The following FNTB variants were observed in gnomAD, a reference collection of about 807,000 sequenced individuals.
FNTB encodes farnesyltransferase, CAAX box, subunit beta, also known as protein farnesyltransferase subunit beta.
Under a neutral mutation model 59.4 loss-of-function variants are expected in FNTB, and 27 were observed. The observed-to-expected ratio is 0.45, with a 90% CI of 0.34 to 0.63. The LOEUF (loss-of-function observed/expected upper bound fraction) is 0.63, where lower values mean the gene tolerates loss of function less well. FNTB is among the 20% of genes least tolerant of loss of function. FNTB has a pLI of 0.02. For synonymous variants in FNTB, 230 were observed against 220.7 expected, an observed-to-expected ratio of 1.04 and a Z score of -0.37; for missense variants, 449 against 559.6, an observed-to-expected ratio of 0.80 and a Z score of 1.99.
chr14:64,994,295 A>G lies in FNTB; in HGVS notation c.144+7198A>G, dbSNP rs1250491857. On this transcript the variant is annotated intron_variant, in intron 1 of 11. Coordinates refer to ENST00000246166, the MANE Select transcript of FNTB (RefSeq NM_002028.4). The surrounding 1 kb of genome is among the most constrained non-coding windows in gnomAD (Gnocchi z 4.2). The stretch of plus-strand genomic sequence containing the variant: ...AAGTGTTGGGGACCCTAGTACAGTT[A>G]CTTGATCCCTGGCCCCTAGAGTCTA... Among the ~76,000 whole-genome samples, 3 of 152,202 alleles carry G rather than the reference A, an allele frequency of 2.0e-5. No homozygotes were observed. The highest frequency in any genetic ancestry group is 4.4e-5 in the Non-Finnish European group (3 of 68,042).
Position 65,015,688 on chromosome 14 carries a change from G to T in FNTB, c.346G>T (p.Glu116Ter). ...CCTGCACAGCTTGGAACTGCTAGAT[G>T]AACCCATCCCCCAGATAGTGGCTAC... ...WILHSLELLDEPIPQIVATDV... is the reference protein window; with the variant it reads ...WILHSLELLD Residue 116 changes from glutamate to a stop codon, truncating the protein, a stop_gained, in exon 4 of 12, where the codon GAA becomes TAA. Coordinates refer to ENST00000246166, the MANE Select transcript of FNTB (RefSeq NM_002028.4). LOFTEE classifies it high-confidence loss of function. 6.2e-7 allele frequency: 1 copy of T among 1,614,132 alleles called. No homozygotes were observed. Among genetic ancestry groups the T allele is most frequent in the East Asian group, 2.2e-5 (1 of 44,884 alleles).
intron 7 of FNTB, among the ~76,000 whole-genome samples, chr14:65,038,882 T>G (rs192031966): frequency 6.6e-5 from 10 of 152,348 alleles, no homozygotes; most frequent in Admixed American, 6.5e-4. Flanking sequence ...TACTTTTACT[T>G]CCTGACTACT....
chr14:65,034,966 C>T (rs1049139456), intron 7 of FNTB, among the ~76,000 whole-genome samples: 2 of 152,228 alleles, frequency 1.3e-5, no homozygotes, highest in East Asian at 1.9e-4. Flanking sequence ...TGGTCAGACT[C>T]AAGCTACAAA....
chr14:65,037,416 T>C (rs1436799705), intron 7 of FNTB, among the ~76,000 whole-genome samples: 11 of 93,866 alleles, frequency 1.2e-4, no homozygotes, highest in South Asian at 3.6e-4. Context: ...TTTTTTTTTT[T>C]TTTTTTTTTT....
In FNTB at chr14:64,997,983, T is replaced by A. The variant is rs1009860949; in HGVS notation, c.145-6266T>A. On this transcript the variant is annotated intron_variant, in intron 1 of 11. Transcript: ENST00000246166. This position sits in a 1 kb window ranked among gnomAD's most constrained non-coding sequence, Gnocchi z 4.5. Reference sequence around the variant, plus strand: ...CAAAGAAGCCTATCGTGGGAAGACATATTCTGGTCTCCTACAGTCATGTTT... The same window carrying A: ...CAAAGAAGCCTATCGTGGGAAGACAAATTCTGGTCTCCTACAGTCATGTTT... Among the ~76,000 whole-genome samples the A allele has an allele frequency of 1.3e-5, 2 of 152,208 alleles. No individual in the cohort carries two copies. The highest frequency in any genetic ancestry group is 2.9e-5 in the Non-Finnish European group (2 of 68,040).
intron 1 of FNTB, among the ~76,000 whole-genome samples, chr14:64,993,039 G>GTTGC (rs1888262890): frequency 6.6e-6 from 1 of 152,092 alleles, no homozygotes; most frequent in South Asian, 2.1e-4. Flanking sequence ...GTTTCCCTGT[G>GTTGC]TTGCCCAGGC....
Position 65,027,255 on chromosome 14 carries a change from G to A in FNTB, c.375-198G>A. 1 of 821,494 alleles carries A rather than the reference G, an allele frequency of 1.2e-6. No homozygotes were observed. The highest frequency in any genetic ancestry group is 3.8e-4 in the Middle Eastern group (1 of 2,626). The allele number at this position is 821,494 out of a possible 1,614,324, so 50.9% of individuals were successfully genotyped here. The stretch of plus-strand genomic sequence containing the variant: ...CGCTTAAGTACGAAACTCAGAGGAG[G>A]GCAGACAGAAATGATGATAGCTGGA... On this transcript the variant is annotated intron_variant, in intron 4 of 11. Coordinates refer to ENST00000246166, the MANE Select transcript of FNTB (RefSeq NM_002028.4). The surrounding 1 kb of genome is among the most constrained non-coding windows in gnomAD (Gnocchi z 5.7).
rs1336867981 is a variant in FNTB, at chr14:65,001,263, T to C, written c.145-2986T>C. Among the ~76,000 whole-genome samples the C allele has an allele frequency of 2.0e-5, 3 of 152,236 alleles. No individual in the cohort carries two copies. Among genetic ancestry groups the C allele is most frequent in the African/African-American group, 7.2e-5 (3 of 41,462 alleles). On this transcript the variant is annotated intron_variant, in intron 1 of 11. Coordinates refer to ENST00000246166, the MANE Select transcript of FNTB (RefSeq NM_002028.4). The surrounding 1 kb of genome is among the most constrained non-coding windows in gnomAD (Gnocchi z 5.5). ...ATACCACAGTGGTCTGGAAAGATTA[T>C]AGTACTGTATTTTCACTCTACCTTT...
intron 2 of FNTB, among the ~76,000 whole-genome samples, chr14:65,005,641 G>T (rs967106357): frequency 2.7e-5 from 4 of 150,244 alleles, no homozygotes; most frequent in Non-Finnish European, 4.4e-5. Flanking sequence ...GTCCGGTCCT[G>T]CCCTGCCCTG....
rs2139581194 is a variant in FNTB at position 65,029,668 on chromosome 14, G to A, written c.605+1887G>A. On this transcript the variant is annotated intron_variant, in intron 6 of 11. Coordinates refer to ENST00000246166, the MANE Select transcript of FNTB (RefSeq NM_002028.4). The surrounding 1 kb of genome is among the most constrained non-coding windows in gnomAD (Gnocchi z 4.7). ...TTGCAGAAGTTTGGTGAGAAAGCAT[G>A]TGTTGCTCAAGAAAGGACAAGTTCA... Among the ~76,000 whole-genome samples the A allele has an allele frequency of 6.6e-6, 1 of 152,334 alleles. No homozygotes were observed. The highest frequency in any genetic ancestry group is 1.9e-4 in the East Asian group (1 of 5,184).
intron 1 of FNTB, among the ~76,000 whole-genome samples, chr14:64,996,137 A>G (rs537412400): frequency 2.8e-4 from 42 of 151,104 alleles, no homozygotes; most frequent in Admixed American, 1.8e-3. Context: ...AAAAAAAAAA[A>G]AAAGAAAAAA....
At chr14:65,002,495 G>C (rs2061534346) in intron 1 of FNTB, among the ~76,000 whole-genome samples, 1 of 152,148 alleles carries the variant, frequency 6.6e-6, no homozygotes, top group African/African-American at 2.4e-5. Context: ...TGTAATCCTA[G>C]CTACTTGGGA....
At chr14:65,052,503 C>G (rs2087013488) in intron 9 of FNTB, among the ~76,000 whole-genome samples, 1 of 152,198 alleles carries the variant, frequency 6.6e-6, no homozygotes, top group Admixed American at 6.5e-5. Context: ...GCAGATGTTT[C>G]TGCACACCTG....
chr14:65,061,323 T>A lies in FNTB; in HGVS notation c.*11T>A. The A allele has an allele frequency of 6.2e-7, 1 of 1,613,238 alleles. No individual in the cohort carries two copies. Among genetic ancestry groups the A allele is most frequent in the Non-Finnish European group, 8.5e-7 (1 of 1,179,966 alleles). The stretch of plus-strand genomic sequence containing the variant: ...CCTGCAACCGACTAGAGGACCTGGG[T>A]CCCGGCAGCTCTTTGCTCACCCATC... On this transcript the variant is annotated 3_prime_UTR_variant, in exon 12 of 12. Transcript: ENST00000246166.
intron 9 of FNTB, among the ~76,000 whole-genome samples, chr14:65,050,778 T>G (rs553978930): frequency 1.3e-5 from 2 of 152,364 alleles, no homozygotes; most frequent in African/African-American, 4.8e-5. Context: ...TTAAAGCAGT[T>G]TATCAGTATC....
At position 65,060,845 on chromosome 14, in the gene FNTB, C is replaced by T. The variant is rs372387194; in HGVS notation, c.1183-336C>T. 7.0e-5 allele frequency among the ~76,000 whole-genome samples: 10 copies of T among 143,666 alleles called. No individual in the cohort carries two copies. In the South Asian group the frequency reaches 2.2e-3, roughly 32 times the overall value. The allele number at this position is 143,666 out of a possible 152,430, so 94.3% of individuals were successfully genotyped here. ...CTAAGATCGTGTCAATGCACTCCAG[C>T]CTGGGCAACAGAGCAAGACTCTCTC... On this transcript the variant is annotated intron_variant, in intron 11 of 11. Transcript: ENST00000246166.
chr14:65,061,496 T>G lies in FNTB; in HGVS notation c.*184T>G. ...GGTTTGGAGAACACAGTGGCTGGTT[T>G]TAAAAATTCTTTCCACACCTGTCAA... On this transcript the variant is annotated 3_prime_UTR_variant, in exon 12 of 12. Coordinates refer to ENST00000246166, the MANE Select transcript of FNTB (RefSeq NM_002028.4). The G allele has an allele frequency of 3.6e-6, 4 of 1,120,860 alleles. No homozygotes were observed. The South Asian group carries it at 7.0e-5, about 20-fold the overall frequency. The allele number at this position is 1,120,860 out of a possible 1,614,324, so 69.4% of individuals were successfully genotyped here. A position where few individuals can be genotyped will look rare whatever the true frequency, so the allele number is the denominator to read the frequency against.
chr14:64,992,674 G>T (rs1417403475), intron 1 of FNTB, among the ~76,000 whole-genome samples: 1 of 151,156 alleles, frequency 6.6e-6, no homozygotes, highest in Non-Finnish European at 1.5e-5. Context: ...GCTGGAGTGC[G>T]GTGATGCAAT....
In FNTB at chr14:64,987,341, C is replaced by G. The variant is rs1183844666; in HGVS notation, c.144+244C>G. On this transcript the variant is annotated intron_variant, in intron 1 of 11. Coordinates refer to ENST00000246166, the MANE Select transcript of FNTB (RefSeq NM_002028.4). ...TGGAGGAGAGGGCAGTAGCCGAGTC[C>G]CCTCTGCCCTAAAGAACGAGAAGAA... is the stretch of plus-strand genomic sequence containing the variant. 8 of 572,090 alleles carry G rather than the reference C, an allele frequency of 1.4e-5. No individual in the cohort carries two copies. In the East Asian group the frequency reaches 2.0e-4, roughly 15 times the overall value. The allele number at this position is 572,090 out of a possible 1,614,324, so 35.4% of individuals were successfully genotyped here.
Sources: allele counts gnomAD v4.1 joint callset (sites outside exome capture counted in the v4.1 genomes callset), GRCh38; gene constraint gnomAD v4.1.1; non-coding constraint Gnocchi (gnomAD v3.1); transcripts MANE v1.5; gene names NCBI Gene and HGNC (gene_info 2026-07-23, HGNC 2026-07-21).